Variants in SH3GLB1 observed in about 807,000 individuals in gnomAD.
SH3GLB1 encodes the protein SH3 domain containing GRB2 like, endophilin B1.
A neutral mutation model predicts 42.0 loss-of-function variants in SH3GLB1; 17 were observed. The ratio of observed to expected loss-of-function variants is 0.40; its 90% CI spans 0.28 to 0.61. The LOEUF (loss-of-function observed/expected upper bound fraction) is 0.61, where lower values mean the gene tolerates loss of function less well. SH3GLB1 is among the 20% of genes least tolerant of loss of function. The probability of loss-of-function intolerance (pLI) is 0.36; values close to 1 mark genes in which losing one functional copy is unlikely to be tolerated. For synonymous variants in SH3GLB1, 132 were observed against 146.6 expected (o/e 0.90, Z 0.72); for missense variants, 355 against 426.3 (o/e 0.83, Z 1.47).
In SH3GLB1 at chr1:86,715,813, A is replaced by G; in HGVS notation, c.162A>G (p.Ile54Met). ...NLLSKAECTK[I>M]WTEKIMKQTE... ...TTAGCAAAGCTGAATGTACCAAAAT[A>G]TGGACAGAAAAAATAATGAAACAAA... Residue 54 changes from isoleucine (I) to methionine (M), a missense_variant, in exon 2 of 9, where the codon ATA becomes ATG. Ile to Met is a conservative substitution (Grantham distance 10). Coordinates refer to ENST00000370558, the MANE Select transcript of SH3GLB1 (RefSeq NM_016009.5). 1.2e-6 allele frequency: 2 copies of G among 1,612,070 alleles called. No individual in the cohort carries two copies. The highest frequency in any genetic ancestry group is 1.7e-6 in the Non-Finnish European group (2 of 1,179,562).
intron 5 of SH3GLB1, among the ~76,000 whole-genome samples, chr1:86,726,885 A>G (rs1655225795): frequency 6.6e-6 from 1 of 151,174 alleles, no homozygotes; most frequent in Admixed American, 6.6e-5. Flanking sequence ...TCTTTGATAC[A>G]TTTCCTGGTT....
At chr1:86,723,682 A>G (rs1331033369) in intron 4 of SH3GLB1, among the ~76,000 whole-genome samples, 1 of 152,204 alleles carries the variant, frequency 6.6e-6, no homozygotes, top group Non-Finnish European at 1.5e-5. Context: ...ATGTTTATTC[A>G]TTATTCTGTA....
At chr1:86,713,918 TTA>T (rs1378463342) in intron 1 of SH3GLB1, among the ~76,000 whole-genome samples, 1 of 152,242 alleles carries the variant, frequency 6.6e-6, no homozygotes, top group Non-Finnish European at 1.5e-5. Context: ...AACAGAAACC[TTA>T]TATGTTTTGT....
At position 86,715,789 on chromosome 1, in the gene SH3GLB1, T is replaced by C; in HGVS notation, c.138T>C (p.Leu46=). The change falls in exon 2 of 9, where the codon CTT becomes CTC. Residue 46 remains leucine, a synonymous_variant. Transcript: ENST00000370558. ...TELDAHLENL[L]SKAECTKIWT... Reference sequence around the variant, plus strand: ...TGGATGCTCACTTAGAGAACCTCCTTAGCAAAGCTGAATGTACCAAAATAT... The same window carrying C: ...TGGATGCTCACTTAGAGAACCTCCTCAGCAAAGCTGAATGTACCAAAATAT... The C allele has an allele frequency of 6.2e-7, 1 of 1,612,824 alleles. No homozygotes were observed. The highest frequency in any genetic ancestry group is 1.7e-5 in the Admixed American group (1 of 59,706).
At chr1:86,740,426 C>G (rs1296482198) in intron 7 of SH3GLB1, among the ~76,000 whole-genome samples, 1 of 152,136 alleles carries the variant, frequency 6.6e-6, no homozygotes, top group Non-Finnish European at 1.5e-5. Flanking sequence ...AAAGTAGATG[C>G]ATGGATACTG....
At chr1:86,737,774 G>A (rs546834177) in intron 7 of SH3GLB1, among the ~76,000 whole-genome samples, 9 of 152,232 alleles carry the variant, frequency 5.9e-5, no homozygotes, top group South Asian at 2.1e-4. Context: ...ATGGTGTACC[G>A]GAAAATATAG....
intron 5 of SH3GLB1, among the ~76,000 whole-genome samples, chr1:86,724,892 A>AAAAAAAAATATAT (rs1291454820): frequency 3.0e-5 from 3 of 99,698 alleles, no homozygotes; most frequent in Non-Finnish European, 5.5e-5. Flanking sequence ...AAAAAAAAAA[A>AAAAAAAAATATAT]ATATATATAT....
At chr1:86,736,592 T>C (rs963714796) in intron 7 of SH3GLB1, among the ~76,000 whole-genome samples, 1 of 152,198 alleles carries the variant, frequency 6.6e-6, no homozygotes, top group East Asian at 1.9e-4. Context: ...ATCCTGAAAC[T>C]CTGGAAGTGC....
At chr1:86,742,693 T>C (rs1480572823) in intron 8 of SH3GLB1, among the ~76,000 whole-genome samples, 1 of 152,158 alleles carries the variant, frequency 6.6e-6, no homozygotes, top group East Asian at 1.9e-4. Context: ...ACATGGTGGC[T>C]TACACCTGTA....
In SH3GLB1 at chr1:86,706,393, G is replaced by A. The variant is rs186794603; in HGVS notation, c.72+1422G>A. ...AGATGGTAAATTCCTTCTAGCTTTT[G>A]ATTTCTAAGTTCTAAAATCTGCATG... On this transcript the variant is annotated intron_variant, in intron 1 of 8. Coordinates refer to ENST00000370558, the MANE Select transcript of SH3GLB1 (RefSeq NM_016009.5). Among the ~76,000 whole-genome samples the A allele has an allele frequency of 2.2e-3, 332 of 152,308 alleles. 1 individual carries two copies. Among genetic ancestry groups the A allele is most frequent in the Middle Eastern group, 6.8e-3 (2 of 294 alleles).
chr1:86,717,190 A>C (rs1654586281), intron 2 of SH3GLB1, among the ~76,000 whole-genome samples: 1 of 152,194 alleles, frequency 6.6e-6, no homozygotes, highest in Non-Finnish European at 1.5e-5. Context: ...GACACCATGT[A>C]ATATTTTTTA....
At chr1:86,708,041 A>G (rs1653974575) in intron 1 of SH3GLB1, among the ~76,000 whole-genome samples, 1 of 152,186 alleles carries the variant, frequency 6.6e-6, no homozygotes. Flanking sequence ...TTATGGGTTC[A>G]TGAGGTTTCA....
intron 8 of SH3GLB1, 55 bp downstream of exon 8, chr1:86,742,491 ATAT>A (rs1656107664): frequency 1.5e-6 from 2 of 1,332,116 alleles, no homozygotes; most frequent in Non-Finnish European, 1.1e-6. Flanking sequence ...ATACCTTCTA[ATAT>A]TATAACAAAA....
rs1229860609 is a variant in SH3GLB1 at position 86,743,801 on chromosome 1, G to A, written c.*566G>A. On this transcript the variant is annotated 3_prime_UTR_variant, in exon 9 of 9. Coordinates refer to ENST00000370558, the MANE Select transcript of SH3GLB1 (RefSeq NM_016009.5). ...TGATTTTAATATTATGTTTTGATGG[G>A]TTATTTTCAGAGTTGTTTGGTTTTT... 9.2e-5 allele frequency: 14 copies of A among 152,484 alleles called. No homozygotes were observed. Among genetic ancestry groups the A allele is most frequent in the Non-Finnish European group, 1.8e-4 (12 of 67,994 alleles). The allele number at this position is 152,484 out of a possible 1,614,324, so 9.4% of individuals were successfully genotyped here.
chr1:86,720,464 G>A (rs970058368), intron 3 of SH3GLB1, among the ~76,000 whole-genome samples: 5 of 152,082 alleles, frequency 3.3e-5, no homozygotes, highest in African/African-American at 7.2e-5. Context: ...TTCTATAGCC[G>A]TGGTTTAGTT....
rs150284271 is a variant in SH3GLB1, at chr1:86,727,426, A to C, written c.570+3021A>C. ...CAAGAACAAAAATAATTACAGGTTG[A>C]ATATCCCAAATCCAAAAACCTGAAA... On this transcript the variant is annotated intron_variant, in intron 5 of 8. Transcript: ENST00000370558. Among the ~76,000 whole-genome samples the C allele has an allele frequency of 2.7e-3, 407 of 152,138 alleles. 3 individuals carry two copies. Among genetic ancestry groups the C allele is most frequent in the African/African-American group, 9.4e-3 (391 of 41,568 alleles).
At chr1:86,735,022 C>A in intron 6 of SH3GLB1, 57 bp from the exon 7 acceptor site, 1 of 1,281,098 alleles carries the variant, frequency 7.8e-7, no homozygotes, top group Non-Finnish European at 1.1e-6. Context: ...CTCCCCCTTG[C>A]ATTTGCCATT....
At chr1:86,728,373 G>A (rs1359988293) in intron 5 of SH3GLB1, 1 of 1,219,148 alleles carries the variant, frequency 8.2e-7, no homozygotes, top group Admixed American at 2.1e-5. Flanking sequence ...TTGGTATAAT[G>A]TGTTCTTTGT....
rs1373478050 is a variant in SH3GLB1 at position 86,704,892 on chromosome 1, C to G, written c.-8C>G. 1.3e-6 allele frequency: 2 copies of G among 1,567,994 alleles called. No homozygotes were observed. Among genetic ancestry groups the G allele is most frequent in the East Asian group, 2.5e-5 (1 of 39,564 alleles). The stretch of plus-strand genomic sequence containing the variant: ...AGGTCGGCCGGCTCCGCCCGGCTGC[C>G]GCCTAGGATGAATATCATGGACTTC... On this transcript the variant is annotated 5_prime_UTR_variant, in exon 1 of 9. Coordinates refer to ENST00000370558, the MANE Select transcript of SH3GLB1 (RefSeq NM_016009.5).
Sources: allele counts gnomAD v4.1 joint callset (sites outside exome capture counted in the v4.1 genomes callset), GRCh38; gene constraint gnomAD v4.1.1; transcripts MANE v1.5; gene names NCBI Gene and HGNC (gene_info 2026-07-23, HGNC 2026-07-21).